The following CELF2 variants were observed in gnomAD, a reference collection of about 807,000 sequenced individuals.
CELF2 encodes the protein CUG triplet repeat RNA-binding protein 2.
Under a neutral mutation model 62.6 loss-of-function variants are expected in CELF2, and 8 were observed. The observed-to-expected ratio is 0.13, with a 90% CI of 0.07 to 0.23. CELF2 has a LOEUF of 0.23. Ranked by LOEUF, CELF2 falls within the 10% of genes least tolerant of loss-of-function variation. The pLI, the probability that CELF2 is intolerant of heterozygous loss-of-function variation, is 1.00. For synonymous variants in CELF2, 258 were observed against 250.0 expected (o/e 1.03, Z -0.30); for missense variants, 333 against 671.0 (o/e 0.50, Z 5.56).
intron 1 of CELF2, among the ~76,000 whole-genome samples, chr10:11,121,868 CAG>C (rs1213033673): frequency 1.9e-4 from 29 of 152,068 alleles, no homozygotes; most frequent in Admixed American, 1.8e-3. Context: ...GCTCTGATGA[CAG>C]GGGAGAGTAG....
the CELF2 span, among the ~76,000 whole-genome samples, chr10:10,738,951 G>C: frequency 6.6e-6 from 1 of 152,088 alleles, no homozygotes; most frequent in African/African-American, 2.4e-5. Context: ...GTAATAGTAG[G>C]AGAGACTGGG....
intron 1 of CELF2, among the ~76,000 whole-genome samples, chr10:11,148,703 G>T (rs1199570895): frequency 6.6e-6 from 1 of 152,080 alleles, no homozygotes; most frequent in Non-Finnish European, 1.5e-5. Flanking sequence ...TACATAAGTG[G>T]TTCCATAATT....
chr10:10,646,279 A>G, the CELF2 span, among the ~76,000 whole-genome samples: 2 of 152,216 alleles, frequency 1.3e-5, no homozygotes, highest in Non-Finnish European at 2.9e-5. Flanking sequence ...CAATTTCCCT[A>G]AGGACCAATC....
chr10:10,555,045 C>T, the CELF2 span, among the ~76,000 whole-genome samples: 6 of 151,996 alleles, frequency 3.9e-5, no homozygotes, highest in South Asian at 2.1e-4. Flanking sequence ...AGTCAAGTCA[C>T]GAAGGGGTTA....
rs557977092 is a variant in CELF2, at chr10:11,092,751, A to G, written c.75-72735A>G. On this transcript the variant is annotated intron_variant, in intron 1 of 12. Transcript: ENST00000633077. ...GGTTTTGTGAATTGCTTCAGGGAAG[A>G]AGGTGAGAGTGGCCCTCTTGCCTGT... is the stretch of plus-strand genomic sequence containing the variant. Among the ~76,000 whole-genome samples, 5 of 152,322 alleles carry G rather than the reference A, an allele frequency of 3.3e-5. No individual in the cohort carries two copies. In the South Asian group the frequency reaches 1.0e-3, roughly 32 times the overall value.
chr10:10,579,779 A>G, the CELF2 span, among the ~76,000 whole-genome samples: 5,612 of 152,202 alleles, frequency 0.037, 327 homozygotes, highest in African/African-American at 0.13. Flanking sequence ...TGGAATACAT[A>G]AAAGTTCCAA....
chr10:10,638,042 C>T, the CELF2 span, among the ~76,000 whole-genome samples: 1 of 152,168 alleles, frequency 6.6e-6, no homozygotes, highest in Non-Finnish European at 1.5e-5. Flanking sequence ...GAAATACTCA[C>T]TTCAATTGGG....
intron 1 of CELF2, among the ~76,000 whole-genome samples, chr10:10,836,802 A>AT (rs1262084434): frequency 6.6e-6 from 1 of 151,962 alleles, no homozygotes; most frequent in Non-Finnish European, 1.5e-5. Flanking sequence ...CGCCCGGCTA[A>AT]TTTTTTGTAT....
the CELF2 span, among the ~76,000 whole-genome samples, chr10:10,636,197 T>C: frequency 1.7e-4 from 26 of 152,254 alleles, no homozygotes; most frequent in Admixed American, 3.9e-4. Flanking sequence ...TAAAGAATTC[T>C]CTGCATGATC....
intron 1 of CELF2, among the ~76,000 whole-genome samples, chr10:11,108,437 G>A (rs1045846469): frequency 4.6e-5 from 7 of 151,588 alleles, no homozygotes; most frequent in African/African-American, 1.2e-4. Flanking sequence ...TGACTGCTGC[G>A]TGGGTCCTAT....
chr10:10,678,618 GAAACTGCAC>G, the CELF2 span, among the ~76,000 whole-genome samples: 1 of 151,890 alleles, frequency 6.6e-6, no homozygotes, highest in Non-Finnish European at 1.5e-5. Context: ...CAAAAGGCCA[GAAACTGCAC>G]CAAATGCATC....
intron 1 of CELF2, among the ~76,000 whole-genome samples, chr10:10,862,674 G>A (rs1313744099): frequency 6.6e-6 from 1 of 152,186 alleles, no homozygotes; most frequent in African/African-American, 2.4e-5. Flanking sequence ...CCCTTCAACA[G>A]GAGCTGTGTT....
rs571680072 is a variant in CELF2, at chr10:10,878,711, A to G, written c.54-41253A>G. On this transcript the variant is annotated intron_variant, in intron 1 of 13. Transcript: ENST00000636488. ...CAATACATCGCTACTTGTGGAGGAA[A>G]GAGTGTTTGTTTCCAATTCAAATTG... Among the ~76,000 whole-genome samples the G allele has an allele frequency of 5.9e-5, 9 of 152,306 alleles. No individual in the cohort carries two copies. The South Asian group carries it at 8.3e-4, about 14-fold the overall frequency.
chr10:10,754,808 A>T, the CELF2 span, among the ~76,000 whole-genome samples: 1 of 152,136 alleles, frequency 6.6e-6, no homozygotes, highest in Non-Finnish European at 1.5e-5. Context: ...CCATGCTCCA[A>T]GGCCTCTCCT....
intron 2 of CELF2, among the ~76,000 whole-genome samples, chr10:10,967,691 C>T (rs1391027107): frequency 6.6e-6 from 1 of 152,144 alleles, no homozygotes; most frequent in Non-Finnish European, 1.5e-5. Context: ...AGTGTTCCTG[C>T]CACCTTCAAT....
the CELF2 span, among the ~76,000 whole-genome samples, chr10:10,765,650 G>A: frequency 6.6e-6 from 1 of 152,122 alleles, no homozygotes; most frequent in African/African-American, 2.4e-5. Context: ...AAAGGTTGAG[G>A]GAACAACCGA....
rs962121048 is a variant in CELF2, at chr10:11,321,600, C to G, written c.1294+214C>G. Among the ~76,000 whole-genome samples the G allele has an allele frequency of 2.0e-5, 3 of 151,972 alleles. No homozygotes were observed. The highest frequency in any genetic ancestry group is 4.4e-5 in the Non-Finnish European group (3 of 68,004). Reference sequence around the variant, plus strand: ...ACTTGGCAGGTTGAGATGGGAGGATCGCTTGAGCCCAGGAGCTGAGGCTGC... The same window carrying G: ...ACTTGGCAGGTTGAGATGGGAGGATGGCTTGAGCCCAGGAGCTGAGGCTGC... On this transcript the variant is annotated intron_variant, in intron 11 of 12. Coordinates refer to ENST00000633077, the MANE Select transcript of CELF2 (RefSeq NM_001326342.2). This position sits in a 1 kb window ranked among gnomAD's most constrained non-coding sequence, Gnocchi z 6.2.
chr10:10,799,362 T>C (rs886860575), intron 1 of CELF2, among the ~76,000 whole-genome samples: 8 of 152,072 alleles, frequency 5.3e-5, no homozygotes, highest in African/African-American at 1.4e-4. Flanking sequence ...TGGGTGCCTG[T>C]AGTCCCTGCT....
At chr10:10,708,867 C>A in the CELF2 span, among the ~76,000 whole-genome samples, 3 of 152,150 alleles carry the variant, frequency 2.0e-5, no homozygotes, top group Non-Finnish European at 2.9e-5. Flanking sequence ...CACACCCTTA[C>A]ACACACGCAC....
Sources: gnomAD v4.1 joint callset for allele counts (sites outside exome capture counted in the v4.1 genomes callset) on GRCh38, gnomAD v4.1.1 for gene constraint, Gnocchi (gnomAD v3.1) non-coding constraint, MANE v1.5 for transcripts, NCBI Gene and HGNC (gene_info 2026-07-23, HGNC 2026-07-21) for gene names.